The following NOL4L variants were observed in gnomAD, a reference collection of about 807,000 sequenced individuals.
The protein encoded by NOL4L is nucleolar protein 4 like, also known as nucleolar protein 4-like.
A neutral mutation model predicts 64.5 loss-of-function variants in NOL4L; 7 were observed. That is an observed-to-expected ratio of 0.11 (90% CI 0.06 to 0.20). The LOEUF (loss-of-function observed/expected upper bound fraction) is 0.20. Ranked by LOEUF, NOL4L falls within the 10% of genes least tolerant of loss-of-function variation. NOL4L has a pLI of 1.00. For synonymous variants in NOL4L, 413 were observed against 401.0 expected (o/e 1.03, Z -0.36); for missense variants, 680 against 967.1 (o/e 0.70, Z 3.94).
At chr20:32,566,805 C>T (rs949599864) in intron 1 of NOL4L, among the ~76,000 whole-genome samples, 3 of 152,206 alleles carry the variant, frequency 2.0e-5, no homozygotes, top group Non-Finnish European at 4.4e-5. Flanking sequence ...TTTCTCCACG[C>T]ATTTACCAGC....
chr20:32,501,591 A>G (rs1000530685), intron 4 of NOL4L, among the ~76,000 whole-genome samples: 5 of 152,184 alleles, frequency 3.3e-5, no homozygotes, highest in Admixed American at 6.5e-5. Flanking sequence ...AATACGGGAA[A>G]CTGTGTGTCG....
At position 32,447,701 on chromosome 20, in the gene NOL4L, C is replaced by T. The variant is rs144695451; in HGVS notation, c.1938G>A (p.Thr646=). Residue 646 remains threonine, a synonymous_variant, in exon 11 of 11, where the codon ACG becomes ACA. Coordinates refer to ENST00000621426, the MANE Select transcript of NOL4L (RefSeq NM_001256798.2). ...RPVPTAQLSP[T]EISAVRQLIA... is the part of the protein sequence containing the mutation. ...TGAGCTGCCGCACGGCGCTGATCTC[C>T]GTGGGGCTGAGCTGAGCGGTGGGCA... 7.6e-6 allele frequency: 11 copies of T among 1,450,708 alleles called. No homozygotes were observed. Among genetic ancestry groups the T allele is most frequent in the Non-Finnish European group, 8.3e-6 (9 of 1,079,582 alleles). The allele number at this position is 1,450,708 out of a possible 1,614,324, so 89.9% of individuals were successfully genotyped here. A position where few individuals can be genotyped will look rare whatever the true frequency, so the allele number is the denominator to read the frequency against.
At chr20:32,490,652 A>G (rs2016430129) in intron 4 of NOL4L, among the ~76,000 whole-genome samples, 1 of 152,198 alleles carries the variant, frequency 6.6e-6, no homozygotes, top group African/African-American at 2.4e-5. Context: ...ATTCTTCTCT[A>G]TTTAGATAAA....
At chr20:32,558,063 T>A (rs1978773596) in intron 1 of NOL4L, among the ~76,000 whole-genome samples, 1 of 152,198 alleles carries the variant, frequency 6.6e-6, no homozygotes, top group Non-Finnish European at 1.5e-5. Context: ...AATGTAACAG[T>A]AATAATGTGA....
intron 4 of NOL4L, chr20:32,510,186 C>G (rs6579021): frequency 2.8e-6 from 1 of 360,218 alleles, no homozygotes; most frequent in Admixed American, 3.6e-5. Flanking sequence ...AGAACAGGCA[C>G]GCTCAGATGA....
chr20:32,497,210 C>T (rs1054273469), intron 4 of NOL4L, among the ~76,000 whole-genome samples: 5 of 152,114 alleles, frequency 3.3e-5, no homozygotes, highest in African/African-American at 1.2e-4. Context: ...CTCCTGCACC[C>T]TCCAGGTCTG....
chr20:32,500,684 G>A (rs1034669562), intron 4 of NOL4L, among the ~76,000 whole-genome samples: 3 of 151,976 alleles, frequency 2.0e-5, no homozygotes, highest in Non-Finnish European at 2.9e-5. Context: ...ATTGGGGCAG[G>A]AAATATGCAA....
intron 1 of NOL4L, among the ~76,000 whole-genome samples, chr20:32,557,792 C>T (rs759481924): frequency 3.3e-5 from 5 of 152,192 alleles, no homozygotes; most frequent in Non-Finnish European, 2.9e-5. Flanking sequence ...CAGCCAGGCG[C>T]GGTGGCTCAT....
intron 5 of NOL4L, among the ~76,000 whole-genome samples, chr20:32,466,685 G>A (rs2014584388): frequency 6.6e-6 from 1 of 152,190 alleles, no homozygotes; most frequent in Non-Finnish European, 1.5e-5. Context: ...CAGAGAATGG[G>A]GCCCAGCTCT....
At chr20:32,523,172 G>A (rs998420270) in intron 2 of NOL4L, among the ~76,000 whole-genome samples, 1 of 152,158 alleles carries the variant, frequency 6.6e-6, no homozygotes, top group Admixed American at 6.5e-5. Flanking sequence ...GGGGAGTGCT[G>A]AGCACACACC....
chr20:32,562,885 G>T, intron 1 of NOL4L, among the ~76,000 whole-genome samples: 1 of 136,108 alleles, frequency 7.3e-6, no homozygotes. Flanking sequence ...TCCTAAGGAG[G>T]GCAGGGAGGG....
chr20:32,521,511 C>T (rs1056063230), intron 2 of NOL4L, among the ~76,000 whole-genome samples: 2 of 152,148 alleles, frequency 1.3e-5, no homozygotes, highest in African/African-American at 2.4e-5. Context: ...GAGCTGACTC[C>T]CCAAGGTCAC....
chr20:32,453,323 T>G lies in NOL4L; in HGVS notation c.1478A>C (p.Lys493Thr). The change falls in exon 8 of 11, where the codon AAG (lysine) becomes ACG (threonine). Residue 493 changes from lysine (K) to threonine (T), a missense_variant. Physicochemically the swap from Lys to Thr is moderately conservative, Grantham distance 78 (BLOSUM62 -1). Around this residue, in one of 4 missense-constraint regions of NOL4L, gnomAD observed 70 missense variants for 166.1 expected, o/e 0.42. Transcript: ENST00000621426. The surrounding 1 kb of genome is among the most constrained non-coding windows in gnomAD (Gnocchi z 5.6). ...RTYLKSCRRM[K>T]KNGMEMTRPT... ...ACTCACCATCTCCATGCCGTTCTTC[T>G]TCATGCGACGGCAGGACTTGAGGTA... 6.2e-7 allele frequency: 1 copy of G among 1,613,944 alleles called. No homozygotes were observed. The highest frequency in any genetic ancestry group is 8.5e-7 in the Non-Finnish European group (1 of 1,179,900).
chr20:32,527,724 G>T (rs1203863216), intron 2 of NOL4L, 34 bp downstream of exon 2: 1 of 1,528,436 alleles, frequency 6.5e-7, no homozygotes, highest in African/African-American at 1.4e-5. Context: ...AAGGCCTGGG[G>T]CTGCCAGTGG....
Position 32,474,707 on chromosome 20 carries a change from C to A in NOL4L, c.735G>T (p.Met245Ile). The A allele has an allele frequency of 6.2e-7, 1 of 1,613,504 alleles. No homozygotes were observed. The highest frequency in any genetic ancestry group is 8.5e-7 in the Non-Finnish European group (1 of 1,179,788). Residue 245 changes from methionine to isoleucine, a missense_variant, in exon 5 of 11, where the codon ATG becomes ATT. By Grantham distance (10) the Met-to-Ile change is conservative. This residue lies in a region of NOL4L where 254 missense variants were observed against 238.7 expected (regional missense o/e 1.06). Coordinates refer to ENST00000621426, the MANE Select transcript of NOL4L (RefSeq NM_001256798.2). ...ETSVSSEDFD[M>I]SDSTWMSADP... is the part of the protein sequence containing the mutation. ...CAGCTGACATCCATGTGGAGTCGCT[C>A]ATATCAAAATCCTCGCTGCTCACAG...
chr20:32,568,700 T>C (rs1292270280), intron 1 of NOL4L, among the ~76,000 whole-genome samples: 2 of 152,342 alleles, frequency 1.3e-5, no homozygotes, highest in African/African-American at 2.4e-5. Context: ...CTGCCCGACC[T>C]GGGCTTCCCA....
intron 5 of NOL4L, among the ~76,000 whole-genome samples, chr20:32,456,710 G>A (rs926527114): frequency 6.6e-6 from 1 of 152,234 alleles, no homozygotes; most frequent in Non-Finnish European, 1.5e-5. Flanking sequence ...CCAAGGGTTT[G>A]GGAGTGAGTG....
intron 1 of NOL4L, among the ~76,000 whole-genome samples, chr20:32,556,478 G>A (rs1978663599): frequency 6.6e-6 from 1 of 152,102 alleles, no homozygotes; most frequent in African/African-American, 2.4e-5. Flanking sequence ...CCCAAATCCT[G>A]CCAGCTATTA....
In NOL4L at chr20:32,487,938, T is replaced by TTTA. The variant is rs1568646252; in HGVS notation, c.700-13197_700-13196insTAA. On this transcript the variant is annotated intron_variant, in intron 4 of 10. Coordinates refer to ENST00000621426, the MANE Select transcript of NOL4L (RefSeq NM_001256798.2). Reference sequence around the variant, plus strand: ...CAGTTTTTGTTTGTTGGTTTTATTTTTTTTTTTTTTTGACCAAATCTTGCT... The same window carrying TTTA: ...CAGTTTTTGTTTGTTGGTTTTATTTTTTATTTTTTTTTTTGACCAAATCTTGCT... 4.3e-3 allele frequency among the ~76,000 whole-genome samples: 247 copies of TTTA among 57,808 alleles called. 2 individuals are homozygous for TTTA. The highest frequency in any genetic ancestry group is 0.015 in the African/African-American group (224 of 15,394). The allele number at this position is 57,808 out of a possible 152,430, so 37.9% of individuals were successfully genotyped here. A position where few individuals can be genotyped will look rare whatever the true frequency, so the allele number is the denominator to read the frequency against.
Sources: gnomAD v4.1 joint callset for allele counts (sites outside exome capture counted in the v4.1 genomes callset) on GRCh38, gnomAD v4.1.1 for gene constraint, gnomAD v4.1.1 regional missense constraint, Gnocchi (gnomAD v3.1) non-coding constraint, MANE v1.5 for transcripts, NCBI Gene and HGNC (gene_info 2026-07-23, HGNC 2026-07-21) for gene names.